The following EHMT1 variants were observed in gnomAD, a reference collection of about 807,000 sequenced individuals.
EHMT1 encodes the protein histone-lysine N-methyltransferase EHMT1.
Under a neutral mutation model 147.2 loss-of-function variants are expected in EHMT1, and 15 were observed. The ratio of observed to expected loss-of-function variants is 0.10; its 90% confidence interval spans 0.07 to 0.16. EHMT1 has a LOEUF of 0.16. Among genes scored for constraint, EHMT1 ranks in the 10% least tolerant of loss-of-function variants. The probability of loss-of-function intolerance (pLI) is 1.00; values close to 1 mark genes in which losing one functional copy is unlikely to be tolerated. For synonymous variants in EHMT1, 795 were observed against 709.6 expected (o/e 1.12, Z -1.91); for missense variants, 1,587 against 1,772.4 (o/e 0.90, Z 1.88).
intron 1 of EHMT1, among the ~76,000 whole-genome samples, chr9:137,642,630 C>T (rs1384045882): frequency 2.0e-5 from 3 of 152,132 alleles, no homozygotes; most frequent in Admixed American, 6.6e-5. Flanking sequence ...TACTATATTA[C>T]AATACTATAT....
intron 18 of EHMT1, among the ~76,000 whole-genome samples, chr9:137,803,960 A>C (rs1292478117): frequency 6.6e-6 from 1 of 152,150 alleles, no homozygotes; most frequent in Non-Finnish European, 1.5e-5. Flanking sequence ...GTAATTTATA[A>C]ACAAAAGAGG....
chr9:137,685,363 T>G (rs1433577918), intron 1 of EHMT1: 1 of 152,236 alleles, frequency 6.6e-6, no homozygotes, highest in Non-Finnish European at 1.5e-5. Context: ...ATATTTGTCC[T>G]TTTGTGTCTG....
Position 137,798,872 on chromosome 9 carries a change from C to G in EHMT1, c.2565C>G (p.Val855=). The change falls in exon 17 of 27, where the codon GTC becomes GTG. Residue 855 remains valine, a synonymous_variant. Transcript: ENST00000460843. ...LAAKKGHYEV[V]QYLLSNGQMD... is the part of the protein sequence containing the mutation. Reference sequence around the variant, plus strand: ...CCAAGAAAGGCCACTACGAAGTGGTCCAGTACCTGCTTTCAAATGGACAGA... The same window carrying G: ...CCAAGAAAGGCCACTACGAAGTGGTGCAGTACCTGCTTTCAAATGGACAGA... The G allele has an allele frequency of 3.7e-6, 6 of 1,614,210 alleles. No individual in the cohort carries two copies. The South Asian group carries it at 5.5e-5, about 15-fold the overall frequency.
chr9:137,831,741 G>A (rs1956201343), intron 25 of EHMT1, among the ~76,000 whole-genome samples: 1 of 152,210 alleles, frequency 6.6e-6, no homozygotes, highest in East Asian at 1.9e-4. Context: ...GGACGTGTTC[G>A]TTTCCTCAGT....
intron 25 of EHMT1, among the ~76,000 whole-genome samples, chr9:137,820,574 T>C (rs1955329951): frequency 6.6e-6 from 1 of 152,254 alleles, no homozygotes; most frequent in Non-Finnish European, 1.5e-5. Context: ...TTTTGAAAAC[T>C]TGAATATTTC....
rs753828497 is a variant in EHMT1 at position 137,834,897 on chromosome 9, G to A, written c.3841G>A (p.Ala1281Thr). 6.2e-7 allele frequency: 1 copy of A among 1,603,906 alleles called. No homozygotes were observed. Among genetic ancestry groups the A allele is most frequent in the Admixed American group, 1.7e-5 (1 of 59,214 alleles). The change falls in exon 27 of 27, where the codon GCC (alanine) becomes ACC (threonine). Residue 1281 changes from alanine (A) to threonine (T), a missense_variant. This residue lies in a region of EHMT1 where 141 missense variants were observed against 150.8 expected (regional missense o/e 0.94). Coordinates refer to ENST00000460843, the MANE Select transcript of EHMT1 (RefSeq NM_024757.5). ...GCGTCAGGCCAGCGCGGCCCAGGAG[G>A]CCCAGGAGGACGGCTTGCCCGACAC... ...AQRQASAAQEAQEDGLPDTSS... is the reference protein window; with the variant it reads ...AQRQASAAQETQEDGLPDTSS...
intron 1 of EHMT1, among the ~76,000 whole-genome samples, chr9:137,627,257 C>CT (rs1843322815): frequency 1.4e-5 from 2 of 145,156 alleles, no homozygotes; most frequent in African/African-American, 2.5e-5. Flanking sequence ...CATGCCTGGC[C>CT]ATTTTTTTTT....
At chr9:137,819,739 C>G (rs1955250791) in intron 25 of EHMT1, among the ~76,000 whole-genome samples, 1 of 151,926 alleles carries the variant, frequency 6.6e-6, no homozygotes, top group Middle Eastern at 3.2e-3. Flanking sequence ...CAGTGAGCCT[C>G]CTGGATTGTG....
At chr9:137,693,493 T>C (rs1354876467) in intron 1 of EHMT1, among the ~76,000 whole-genome samples, 2 of 152,100 alleles carry the variant, frequency 1.3e-5, no homozygotes, top group Non-Finnish European at 1.5e-5. Context: ...ATGACAGAGC[T>C]GGGATTCGAA....
chr9:137,720,629 TATA>T (rs966890798), intron 3 of EHMT1, among the ~76,000 whole-genome samples: 2 of 152,142 alleles, frequency 1.3e-5, no homozygotes, highest in African/African-American at 4.8e-5. Context: ...TAAATGGAAT[TATA>T]ATGTATGTAA....
chr9:137,759,871 A>G (rs1949670532), intron 9 of EHMT1, among the ~76,000 whole-genome samples: 1 of 152,156 alleles, frequency 6.6e-6, no homozygotes, highest in South Asian at 2.1e-4. Flanking sequence ...GACAGGCGCC[A>G]TCGGCCTGTG....
chr9:137,762,627 T>G (rs1382634984), intron 9 of EHMT1, 48 bp from the exon 10 acceptor site: 2 of 1,613,714 alleles, frequency 1.2e-6, no homozygotes, highest in Non-Finnish European at 1.7e-6. Context: ...CTAGATGTTC[T>G]TTTGAGGTCA....
chr9:137,631,388 G>C (rs955799295), intron 1 of EHMT1, among the ~76,000 whole-genome samples: 1 of 151,764 alleles, frequency 6.6e-6, no homozygotes, highest in Non-Finnish European at 1.5e-5. Context: ...GTGAACCTCT[G>C]TCTTGGAAAA....
At chr9:137,800,672 C>A in intron 17 of EHMT1, 1 of 596,936 alleles carries the variant, frequency 1.7e-6, no homozygotes. Context: ...AGTCCTGGTT[C>A]TGCCTTCATC....
At chr9:137,791,636 A>G (rs1952532595) in intron 16 of EHMT1, among the ~76,000 whole-genome samples, 1 of 152,232 alleles carries the variant, frequency 6.6e-6, no homozygotes, top group South Asian at 2.1e-4. Flanking sequence ...AAATAGAAAG[A>G]CATCCCATGT....
chr9:137,695,134 C>T (rs1943292623), intron 1 of EHMT1, among the ~76,000 whole-genome samples: 1 of 152,232 alleles, frequency 6.6e-6, no homozygotes, highest in Admixed American at 6.5e-5. Flanking sequence ...ACACCCTGGG[C>T]ACCTGGATTA....
chr9:137,775,023 T>C lies in EHMT1; in HGVS notation c.1648-86T>C. The C allele has an allele frequency of 6.3e-7, 1 of 1,589,270 alleles. No homozygotes were observed. The highest frequency in any genetic ancestry group is 8.6e-7 in the Non-Finnish European group (1 of 1,159,786). On this transcript the variant is annotated intron_variant, in intron 10 of 26. Transcript: ENST00000460843. The surrounding 1 kb of genome is among the most constrained non-coding windows in gnomAD (Gnocchi z 6.1). ...GCCCACACCTGCTGAGCAGCTCTTG[T>C]GTGCCTGCACTGCCCAGCGCCTGGT...
chr9:137,811,327 CT>C, intron 18 of EHMT1, 133 bp from the exon 19 acceptor site: 2 of 1,237,128 alleles, frequency 1.6e-6, no homozygotes, highest in South Asian at 2.5e-5. Flanking sequence ...CCCTTTCCAC[CT>C]GGCCCTGCTG....
At chr9:137,636,730 A>G (rs1273997641) in intron 1 of EHMT1, among the ~76,000 whole-genome samples, 2 of 152,114 alleles carry the variant, frequency 1.3e-5, no homozygotes, top group Non-Finnish European at 2.9e-5. Context: ...TTTCTGCCCT[A>G]AATCCATTTG....
Sources: gnomAD v4.1 joint callset for allele counts (sites outside exome capture counted in the v4.1 genomes callset) on GRCh38, gnomAD v4.1.1 for gene constraint, gnomAD v4.1.1 regional missense constraint, Gnocchi (gnomAD v3.1) non-coding constraint, MANE v1.5 for transcripts, NCBI Gene and HGNC (gene_info 2026-07-23, HGNC 2026-07-21) for gene names.